Variants in RBM19 observed in about 807,000 individuals in gnomAD.
RBM19 encodes the protein RNA binding motif protein 19, also known as probable RNA-binding protein 19.
Under a neutral mutation model 116.8 loss-of-function variants are expected in RBM19, and 94 were observed. That is an observed-to-expected ratio of 0.80 (90% CI 0.68 to 0.95). The LOEUF (loss-of-function observed/expected upper bound fraction) is 0.95, where lower values mean the gene tolerates loss of function less well. Among genes scored for constraint, RBM19 ranks in the 40% least tolerant of loss-of-function variants. The pLI, the probability that RBM19 is intolerant of heterozygous loss-of-function variation, is 0.00. For missense variants in RBM19, 1,161 were observed against 1,220.7 expected, an observed-to-expected ratio of 0.95 and a Z score of 0.73; for synonymous variants, 475 against 494.1, an observed-to-expected ratio of 0.96 and a Z score of 0.51.
intron 22 of RBM19, among the ~76,000 whole-genome samples, chr12:113,845,076 C>T (rs757554408): frequency 5.3e-5 from 8 of 152,318 alleles, no homozygotes; most frequent in Non-Finnish European, 8.8e-5. Context: ...GTGTGTCATC[C>T]GATCTGTGGA....
rs1593653004 is a variant in RBM19 at position 113,957,647 on chromosome 12, A to C, written c.840+135T>G. The C allele has an allele frequency of 3.8e-6, 5 of 1,303,646 alleles. No individual in the cohort carries two copies. The South Asian group carries it at 1.5e-4, about 39-fold the overall frequency. The allele number at this position is 1,303,646 out of a possible 1,614,324, so 80.8% of individuals were successfully genotyped here. On this transcript the variant is annotated intron_variant, in intron 6 of 23. Transcript: ENST00000261741. ...CACACGGCGAGCAAGCGGCAGGGCC[A>C]AGATCGGGAAGGCTTTGGACTGCAG...
intron 9 of RBM19, 56 bp from the exon 10 acceptor site, chr12:113,949,092 C>T (rs1304928926): frequency 6.8e-7 from 1 of 1,466,230 alleles, no homozygotes; most frequent in Non-Finnish European, 9.4e-7. Context: ...GCCAGCAACT[C>T]CTTGCTGGTG....
At chr12:113,828,836 C>A (rs1016680874) in intron 23 of RBM19, among the ~76,000 whole-genome samples, 1 of 152,156 alleles carries the variant, frequency 6.6e-6, no homozygotes, top group African/African-American at 2.4e-5. Flanking sequence ...GCAGCCCCCA[C>A]GGGCAGAGCT....
intron 23 of RBM19, among the ~76,000 whole-genome samples, chr12:113,843,206 G>A (rs3782427): frequency 0.15 from 23,221 of 152,214 alleles, 2,233 homozygotes; most frequent in East Asian, 0.36. Context: ...CCGGTCAGGC[G>A]AGGGAATAAT....
intron 22 of RBM19, among the ~76,000 whole-genome samples, chr12:113,854,734 G>A (rs1182298377): frequency 1.3e-5 from 2 of 152,194 alleles, no homozygotes; most frequent in South Asian, 2.1e-4. Context: ...GTTCACTGGA[G>A]CAGCTCAGTA....
chr12:113,823,323 T>C lies in RBM19; in HGVS notation c.2786-2A>G, dbSNP rs1874581513. The stretch of plus-strand genomic sequence containing the variant: ...CAGACCGCTTTTTCTTCGGGGGCTC[T>C]GTGGGAGCCCAGATGGCAAGAGAGG... On this transcript the variant is annotated splice_acceptor_variant, in intron 23 of 23. Coordinates refer to ENST00000261741, the MANE Select transcript of RBM19 (RefSeq NM_016196.4). LOFTEE classifies it high-confidence loss of function. 1.2e-6 allele frequency: 2 copies of C among 1,612,114 alleles called. No individual in the cohort carries two copies. Among genetic ancestry groups the C allele is most frequent in the African/African-American group, 2.7e-5 (2 of 74,984 alleles).
chr12:113,909,918 A>G (rs1882325631), intron 21 of RBM19, among the ~76,000 whole-genome samples: 1 of 152,212 alleles, frequency 6.6e-6, no homozygotes, highest in African/African-American at 2.4e-5. Flanking sequence ...CCCAGCTGTC[A>G]GGCAGGGCTT....
At chr12:113,840,806 C>T (rs886182918) in intron 23 of RBM19, among the ~76,000 whole-genome samples, 2 of 152,204 alleles carry the variant, frequency 1.3e-5, no homozygotes, top group Non-Finnish European at 2.9e-5. Flanking sequence ...ATCACTTCCT[C>T]CCCCTGCCCT....
chr12:113,958,352 G>A (rs563925444), intron 5 of RBM19, among the ~76,000 whole-genome samples: 5 of 152,238 alleles, frequency 3.3e-5, no homozygotes, highest in African/African-American at 7.2e-5. Context: ...GGTACAGGAC[G>A]GTCAGTCTCT....
rs1869233765 is a variant in RBM19, at chr12:113,927,712, C to T, written c.2069-483G>A. 2.6e-5 allele frequency among the ~76,000 whole-genome samples: 4 copies of T among 152,030 alleles called. No homozygotes were observed. The South Asian group carries it at 8.3e-4, about 32-fold the overall frequency. On this transcript the variant is annotated intron_variant, in intron 16 of 23. Transcript: ENST00000261741. ...AAACTTAGGAAGAGTCTAAATACCC[C>T]CTTGAACCTAAAGAATGTTACATAC... is the stretch of plus-strand genomic sequence containing the variant.
Position 113,825,800 on chromosome 12 carries a change from G to A in RBM19, c.2786-2479C>T, listed in dbSNP as rs946178803. ...CCCCATGCTCCTGCACCCCTGGGCC[G>A]TGCCACCATTGCCTCTGGCTTCCTC... On this transcript the variant is annotated intron_variant, in intron 23 of 23. Coordinates refer to ENST00000261741, the MANE Select transcript of RBM19 (RefSeq NM_016196.4). The surrounding 1 kb of genome is among the most constrained non-coding windows in gnomAD (Gnocchi z 5.7). 1.4e-4 allele frequency among the ~76,000 whole-genome samples: 21 copies of A among 152,304 alleles called. No homozygotes were observed. Among genetic ancestry groups the A allele is most frequent in the African/African-American group, 1.4e-4 (6 of 41,560 alleles).
At chr12:113,879,576 T>C (rs1879960860) in intron 21 of RBM19, among the ~76,000 whole-genome samples, 1 of 151,844 alleles carries the variant, frequency 6.6e-6, no homozygotes, top group South Asian at 2.1e-4. Flanking sequence ...GGCTTGTCCA[T>C]TCCTTCCTCC....
At chr12:113,859,051 T>C (rs1031655739) in intron 21 of RBM19, 155 bp from the exon 22 acceptor site, 7 of 671,708 alleles carry the variant, frequency 1.0e-5, no homozygotes, top group African/African-American at 8.9e-5. Context: ...CTCAGGGGCA[T>C]GAGCAGCCTT....
chr12:113,924,004 A>G (rs573350188), intron 18 of RBM19, among the ~76,000 whole-genome samples: 28 of 152,344 alleles, frequency 1.8e-4, no homozygotes, highest in Non-Finnish European at 3.1e-4. Flanking sequence ...TGACACATGT[A>G]GCATTCCTAC....
Position 113,947,412 on chromosome 12 carries a change from C to T in RBM19, c.1329G>A (p.Lys443=), listed in dbSNP as rs1871120705. ...YPIDSLTKKP[K]GFAFITFMFP... ...ACATGAAGGTGATGAATGCAAAACC[C>T]TTGGGTTTCTTGGTCAGGCTGTCGA... Residue 443 remains lysine, a synonymous_variant, in exon 11 of 24, where the codon AAG becomes AAA. Transcript: ENST00000261741. The T allele has an allele frequency of 6.2e-7, 1 of 1,610,676 alleles. No homozygotes were observed. The highest frequency in any genetic ancestry group is 8.5e-7 in the Non-Finnish European group (1 of 1,177,136).
At chr12:113,885,895 G>T (rs1171096855) in intron 21 of RBM19, among the ~76,000 whole-genome samples, 3 of 144,788 alleles carry the variant, frequency 2.1e-5, no homozygotes, top group Non-Finnish European at 3.0e-5. Flanking sequence ...TTGAGATGGG[G>T]TCTCTCTCTG....
intron 19 of RBM19, 140 bp from the exon 20 acceptor site, chr12:113,918,587 G>A (rs1882928373): frequency 3.7e-6 from 3 of 806,822 alleles, no homozygotes; most frequent in South Asian, 1.8e-5. Context: ...TGGTCTAGAG[G>A]ACAGAGGATG....
chr12:113,916,021 T>A (rs9788168), intron 20 of RBM19, among the ~76,000 whole-genome samples: 26,657 of 152,202 alleles, frequency 0.18, 2,877 homozygotes, highest in Non-Finnish European at 0.25. Flanking sequence ...CATTTAATCA[T>A]GTTTCTTTTC....
In RBM19 at chr12:113,959,361, T is replaced by C. The variant is rs1244833343; in HGVS notation, c.422A>G (p.Gln141Arg). 2 of 1,612,386 alleles carry C rather than the reference T, an allele frequency of 1.2e-6. No homozygotes were observed. Among genetic ancestry groups the C allele is most frequent in the Non-Finnish European group, 1.7e-6 (2 of 1,178,514 alleles). ...CCAAGTGGCTGCCTGCGCCCGCCTC[T>C]GATGAACTGACAGAAACTCCTGGAA... is the stretch of plus-strand genomic sequence containing the variant. The part of the protein sequence containing the change: ...TEFQEFLSVH[Q>R]RRAQAATWAN... The change falls in exon 5 of 24, where the codon CAG (glutamine) becomes CGG (arginine). Residue 141 changes from glutamine to arginine, a missense_variant. Transcript: ENST00000261741.
Sources: gnomAD v4.1 joint callset for allele counts (sites outside exome capture counted in the v4.1 genomes callset) on GRCh38, gnomAD v4.1.1 for gene constraint, Gnocchi (gnomAD v3.1) non-coding constraint, MANE v1.5 for transcripts, NCBI Gene and HGNC (gene_info 2026-07-23, HGNC 2026-07-21) for gene names.